The following NDST3 variants were observed in gnomAD, a reference collection of about 807,000 sequenced individuals.
The protein encoded by NDST3 is N-deacetylase and N-sulfotransferase 3.
A neutral mutation model predicts 96.1 loss-of-function variants in NDST3; 58 were observed. The observed-to-expected ratio is 0.60, with a 90% CI of 0.49 to 0.75. NDST3 has a LOEUF of 0.75. Ranked by LOEUF, NDST3 falls within the 30% of genes least tolerant of loss-of-function variation. The probability of loss-of-function intolerance (pLI) is 0.00; values close to 1 mark genes in which losing one functional copy is unlikely to be tolerated. For missense variants in NDST3, 788 were observed against 1,034.2 expected (o/e 0.76, Z 3.27); for synonymous variants, 333 against 359.7 (o/e 0.93, Z 0.84).
intron 6 of NDST3, among the ~76,000 whole-genome samples, chr4:118,164,437 G>A (rs372254300): frequency 4.6e-5 from 7 of 152,120 alleles, no homozygotes; most frequent in South Asian, 4.2e-4. Flanking sequence ...ACATCTAACC[G>A]CTGTGACATG....
Position 118,240,672 on chromosome 4 carries a change from T to C in NDST3, c.2267T>C (p.Leu756Pro). The C allele has an allele frequency of 1.2e-6, 2 of 1,613,614 alleles. No individual in the cohort carries two copies. The highest frequency in any genetic ancestry group is 1.7e-6 in the Non-Finnish European group (2 of 1,179,766). Residue 756 changes from leucine to proline, a missense_variant, in exon 11 of 14, where the codon CTT becomes CCT. Coordinates refer to ENST00000296499, the MANE Select transcript of NDST3 (RefSeq NM_004784.3). ...TATGCCAGCCACATCGAGAGATGGC[T>C]TGTTTATTTCCCCCCATTTCAGGTA... ...GWYASHIERW[L>P]VYFPPFQLLI... is the part of the protein sequence containing the mutation.
chr4:118,147,347 G>C (rs1389857387), intron 6 of NDST3, among the ~76,000 whole-genome samples: 3 of 152,108 alleles, frequency 2.0e-5, no homozygotes, highest in Admixed American at 6.5e-5. Flanking sequence ...AGAGCCACTG[G>C]AAGTACCCCA....
intron 2 of NDST3, among the ~76,000 whole-genome samples, chr4:118,088,686 A>C (rs111974934): frequency 6.6e-6 from 1 of 152,042 alleles, no homozygotes; most frequent in African/African-American, 2.4e-5. Flanking sequence ...CAAATTACCA[A>C]TAAGACTCGT....
chr4:118,152,779 A>C (rs1578735047), intron 6 of NDST3, among the ~76,000 whole-genome samples: 1 of 152,200 alleles, frequency 6.6e-6, no homozygotes, highest in African/African-American at 2.4e-5. Flanking sequence ...GTAGTTAATT[A>C]ATCTTACAAA....
At chr4:118,136,311 C>T (rs1471033087) in intron 4 of NDST3, among the ~76,000 whole-genome samples, 1 of 152,116 alleles carries the variant, frequency 6.6e-6, no homozygotes, top group Non-Finnish European at 1.5e-5. Flanking sequence ...GTTACTTCAG[C>T]ACATTTTTTA....
chr4:118,234,504 A>G (rs1450689290), intron 9 of NDST3, among the ~76,000 whole-genome samples: 2 of 152,126 alleles, frequency 1.3e-5, no homozygotes, highest in East Asian at 1.9e-4. Context: ...ATAGAATAAA[A>G]TGATATTAAC....
chr4:118,157,399 A>G (rs541648140), intron 6 of NDST3, among the ~76,000 whole-genome samples: 3 of 150,176 alleles, frequency 2.0e-5, no homozygotes, highest in Admixed American at 1.3e-4. Flanking sequence ...ACACTTCACT[A>G]CGTACATTTT....
At chr4:118,188,576 T>C (rs1279465343) in intron 6 of NDST3, among the ~76,000 whole-genome samples, 2 of 152,162 alleles carry the variant, frequency 1.3e-5, no homozygotes, top group Admixed American at 6.5e-5. Flanking sequence ...TCAAATTGCA[T>C]ATCTAAACAG....
intron 13 of NDST3, among the ~76,000 whole-genome samples, chr4:118,254,535 T>A (rs1178903445): frequency 6.6e-6 from 1 of 152,172 alleles, no homozygotes; most frequent in Non-Finnish European, 1.5e-5. Context: ...TTTTCTCCAT[T>A]TCTATACCCC....
chr4:118,145,275 T>C (rs981057399), intron 6 of NDST3, among the ~76,000 whole-genome samples: 2 of 152,232 alleles, frequency 1.3e-5, no homozygotes, highest in Non-Finnish European at 2.9e-5. Context: ...CTTAAAATGC[T>C]AACATTTTCA....
chr4:118,218,358 T>C (rs1442351031), intron 6 of NDST3, among the ~76,000 whole-genome samples: 1 of 152,174 alleles, frequency 6.6e-6, no homozygotes, highest in Non-Finnish European at 1.5e-5. Flanking sequence ...TCAAGTTGGC[T>C]TCATCCCTGG....
chr4:118,116,122 T>C (rs1271083287), intron 4 of NDST3, among the ~76,000 whole-genome samples: 1 of 152,188 alleles, frequency 6.6e-6, no homozygotes, highest in Non-Finnish European at 1.5e-5. Context: ...CCAGAATTTG[T>C]AATAGAAAGT....
At chr4:118,233,182 C>A in intron 9 of NDST3, 47 bp downstream of exon 9, 1 of 1,446,534 alleles carries the variant, frequency 6.9e-7, no homozygotes, top group South Asian at 1.5e-5. Flanking sequence ...GTACTGTGCA[C>A]AGTATAAACT....
chr4:118,158,840 T>G (rs1411066147), intron 6 of NDST3, among the ~76,000 whole-genome samples: 1 of 152,102 alleles, frequency 6.6e-6, no homozygotes, highest in Non-Finnish European at 1.5e-5. Context: ...AAATAGAAAG[T>G]CCCATATCCT....
rs540277063 is a variant in NDST3, at chr4:118,208,996, A to G, written c.1540-15495A>G. The stretch of plus-strand genomic sequence containing the variant: ...TTGAAACCTCTTAGTAGTGAAGCTG[A>G]TCTTTGTGATTACCTAAATTTAATT... On this transcript the variant is annotated intron_variant, in intron 6 of 13. Coordinates refer to ENST00000296499, the MANE Select transcript of NDST3 (RefSeq NM_004784.3). 2.7e-5 allele frequency among the ~76,000 whole-genome samples: 4 copies of G among 150,754 alleles called. 1 individual carries two copies. The highest frequency in any genetic ancestry group is 4.3e-4 in the South Asian group (2 of 4,678).
At chr4:118,074,188 G>A (rs748224224) in intron 2 of NDST3, among the ~76,000 whole-genome samples, 2 of 151,976 alleles carry the variant, frequency 1.3e-5, no homozygotes, top group Non-Finnish European at 2.9e-5. Flanking sequence ...ATTGTTTTAT[G>A]GCCAATTGCA....
chr4:118,054,321 A>G lies in NDST3; in HGVS notation c.411A>G (p.Leu137=), dbSNP rs1183598962. Residue 137 remains leucine (L), a synonymous_variant, in exon 2 of 14, where the codon TTA becomes TTG. Coordinates refer to ENST00000296499, the MANE Select transcript of NDST3 (RefSeq NM_004784.3). ...TTCTCATTATTTATGAGAATATTTTAAAGTATATAAATATGGATTCCTGGA... is the reference window on the plus strand; with the variant it reads ...TTCTCATTATTTATGAGAATATTTTGAAGTATATAAATATGGATTCCTGGA... ...KYILIIYENI[L]KYINMDSWNR... 2 of 1,608,524 alleles carry G rather than the reference A, an allele frequency of 1.2e-6. No individual in the cohort carries two copies. The highest frequency in any genetic ancestry group is 3.4e-5 in the Admixed American group (2 of 59,680).
intron 12 of NDST3, among the ~76,000 whole-genome samples, chr4:118,250,667 A>G (rs1206431334): frequency 6.6e-6 from 1 of 152,102 alleles, no homozygotes; most frequent in African/African-American, 2.4e-5. Flanking sequence ...TATCTTTAGT[A>G]GAGACAGGGT....
At chr4:118,244,834 G>C (rs1198569096) in intron 12 of NDST3, among the ~76,000 whole-genome samples, 1 of 152,140 alleles carries the variant, frequency 6.6e-6, no homozygotes, top group Non-Finnish European at 1.5e-5. Flanking sequence ...TGAAGAATCT[G>C]TGATGTCTTA....
Sources: allele counts gnomAD v4.1 joint callset (sites outside exome capture counted in the v4.1 genomes callset), GRCh38; gene constraint gnomAD v4.1.1; transcripts MANE v1.5; gene names NCBI Gene and HGNC (gene_info 2026-07-23, HGNC 2026-07-21).